KLHL20: variants seen among roughly 807,000 people sequenced by gnomAD.
KLHL20 encodes the protein kelch like family member 20, also known as kelch-like protein 20.
Under a neutral mutation model 69.5 loss-of-function variants are expected in KLHL20, and 29 were observed. The ratio of observed to expected loss-of-function variants is 0.42; its 90% CI spans 0.31 to 0.57. KLHL20 has a LOEUF of 0.57. Among genes scored for constraint, KLHL20 ranks in the 20% least tolerant of loss-of-function variants. The probability of loss-of-function intolerance (pLI) is 0.18; values close to 1 mark genes in which losing one functional copy is unlikely to be tolerated. For missense variants in KLHL20, 419 were observed against 776.0 expected, an observed-to-expected ratio of 0.54 and a Z score of 5.47; for synonymous variants, 253 against 265.2, an observed-to-expected ratio of 0.95 and a Z score of 0.45.
At chr1:173,733,574 A>C in intron 2 of KLHL20, 139 bp from the exon 3 acceptor site, 1 of 721,002 alleles carries the variant, frequency 1.4e-6, no homozygotes, top group Non-Finnish European at 2.2e-6. Context: ...ACAGTGAGAC[A>C]TCATCTCTAC....
chr1:173,724,873 T>C (rs1022978652), intron 2 of KLHL20, among the ~76,000 whole-genome samples: 1 of 152,226 alleles, frequency 6.6e-6, no homozygotes, highest in African/African-American at 2.4e-5. Flanking sequence ...TAAAAGTATT[T>C]TAGGTATTTT....
intron 3 of KLHL20, among the ~76,000 whole-genome samples, chr1:173,748,874 A>G (rs1432886541): frequency 6.6e-6 from 1 of 152,166 alleles, no homozygotes; most frequent in Non-Finnish European, 1.5e-5. Flanking sequence ...ATTGAGCTAT[A>G]CACTTAAAAT....
intron 6 of KLHL20, 127 bp downstream of exon 6, chr1:173,756,165 C>G (rs1673538587): frequency 3.0e-6 from 2 of 664,732 alleles, no homozygotes; most frequent in Admixed American, 5.2e-5. Flanking sequence ...CAGCATATAG[C>G]TTGACTCATA....
At chr1:173,727,899 A>G (rs1385115030) in intron 2 of KLHL20, among the ~76,000 whole-genome samples, 1 of 152,196 alleles carries the variant, frequency 6.6e-6, no homozygotes, top group Admixed American at 6.5e-5. Flanking sequence ...CACACATAAC[A>G]ATATTAACCT....
intron 2 of KLHL20, among the ~76,000 whole-genome samples, chr1:173,733,449 T>C (rs892705456): frequency 2.6e-5 from 4 of 152,192 alleles, no homozygotes; most frequent in African/African-American, 9.7e-5. Flanking sequence ...AGTAGCTCAA[T>C]TTAAATGGTT....
intron 3 of KLHL20, among the ~76,000 whole-genome samples, chr1:173,736,219 G>T (rs4558043): frequency 0.23 from 34,738 of 151,916 alleles, 4,439 homozygotes; most frequent in Middle Eastern, 0.39. Flanking sequence ...CTACCAAAGT[G>T]CTGGGATTAC....
chr1:173,727,426 G>A (rs937583156), intron 2 of KLHL20, among the ~76,000 whole-genome samples: 2 of 152,068 alleles, frequency 1.3e-5, no homozygotes, highest in African/African-American at 4.8e-5. Context: ...CTTGAGAAGA[G>A]CAACTCCAAG....
rs539432987 is a variant in KLHL20, at chr1:173,733,220, C to T, written c.24-493C>T. Reference sequence around the variant, plus strand: ...TAATTTTAGTAGAGACAGGGTTTTGCCACATTCACCAGGCTGGTTTCGAAC... The same window carrying T: ...TAATTTTAGTAGAGACAGGGTTTTGTCACATTCACCAGGCTGGTTTCGAAC... On this transcript the variant is annotated intron_variant, in intron 2 of 11. Coordinates refer to ENST00000209884, the MANE Select transcript of KLHL20 (RefSeq NM_014458.4). 1.5e-4 allele frequency among the ~76,000 whole-genome samples: 23 copies of T among 152,022 alleles called. No homozygotes were observed. The South Asian group carries it at 3.5e-3, about 23-fold the overall frequency.
At chr1:173,761,640 G>A (rs1292796777) in intron 7 of KLHL20, among the ~76,000 whole-genome samples, 2 of 152,160 alleles carry the variant, frequency 1.3e-5, no homozygotes, top group Non-Finnish European at 2.9e-5. Context: ...CATGAGCATT[G>A]GGTCAAAAAC....
chr1:173,727,226 G>A (rs928675405), intron 2 of KLHL20, among the ~76,000 whole-genome samples: 2 of 151,834 alleles, frequency 1.3e-5, no homozygotes, highest in African/African-American at 4.8e-5. Context: ...AACGAGCAAA[G>A]CCTCCAAGAA....
chr1:173,742,700 A>G (rs1050066844), intron 3 of KLHL20, among the ~76,000 whole-genome samples: 4 of 151,018 alleles, frequency 2.6e-5, no homozygotes, highest in Admixed American at 6.6e-5. Context: ...GTATATGTGT[A>G]CATATACATA....
intron 3 of KLHL20, among the ~76,000 whole-genome samples, chr1:173,749,474 G>C (rs752089323): frequency 3.0e-4 from 45 of 152,190 alleles, no homozygotes; most frequent in Non-Finnish European, 3.2e-4. Flanking sequence ...TCTTAACTTG[G>C]TTATTTGATT....
At chr1:173,768,578 C>T (rs1647878026) in intron 8 of KLHL20, among the ~76,000 whole-genome samples, 1 of 152,114 alleles carries the variant, frequency 6.6e-6, no homozygotes, top group Admixed American at 6.6e-5. Context: ...GCAGTGATGG[C>T]ATAGTTTTTT....
chr1:173,741,743 C>G, intron 3 of KLHL20: 8 of 1,390,848 alleles, frequency 5.8e-6, no homozygotes, highest in Non-Finnish European at 7.9e-6. Flanking sequence ...AGAAGAAATG[C>G]CTGGTTCAGA....
At chr1:173,756,842 C>T (rs1443319861) in intron 6 of KLHL20, 134 bp from the exon 7 acceptor site, 2 of 681,592 alleles carry the variant, frequency 2.9e-6, no homozygotes, top group Non-Finnish European at 4.9e-6. Flanking sequence ...GAGTTGAAGT[C>T]ATAACTTGCA....
chr1:173,753,445 G>C, intron 5 of KLHL20, 138 bp downstream of exon 5: 1 of 648,680 alleles, frequency 1.5e-6, no homozygotes, highest in Non-Finnish European at 2.7e-6. Context: ...GTTTTCTTCT[G>C]GGCTAGAGTC....
intron 11 of KLHL20, 68 bp downstream of exon 11, chr1:173,782,298 A>G: frequency 8.5e-7 from 1 of 1,179,770 alleles, no homozygotes; most frequent in Non-Finnish European, 1.3e-6. Context: ...GAAATAGCCT[A>G]TGACCATCAG....
chr1:173,760,000 T>C (rs192029799), intron 7 of KLHL20, among the ~76,000 whole-genome samples: 53 of 152,066 alleles, frequency 3.5e-4, no homozygotes, highest in Non-Finnish European at 5.9e-4. Flanking sequence ...GGAGAAACAC[T>C]CAAGAAAATA....
chr1:173,754,282 A>G (rs1429979148), intron 5 of KLHL20, among the ~76,000 whole-genome samples: 2 of 152,078 alleles, frequency 1.3e-5, no homozygotes, highest in Admixed American at 6.6e-5. Flanking sequence ...AGATTTTTGT[A>G]TTCTATATTT....
Sources: allele counts gnomAD v4.1 joint callset (sites outside exome capture counted in the v4.1 genomes callset), GRCh38; gene constraint gnomAD v4.1.1; transcripts MANE v1.5; gene names NCBI Gene and HGNC (gene_info 2026-07-23, HGNC 2026-07-21).